The following SGCD variants were observed in gnomAD, a reference collection of about 807,000 sequenced individuals.
SGCD encodes the protein delta-sarcoglycan.
Under a neutral mutation model 36.6 loss-of-function variants are expected in SGCD, and 18 were observed. The observed-to-expected ratio is 0.49, with a 90% CI of 0.34 to 0.73. The LOEUF is 0.73. Ranked by LOEUF, SGCD falls within the 30% of genes least tolerant of loss-of-function variation. The probability of loss-of-function intolerance (pLI) is 0.01; values close to 1 mark genes in which losing one functional copy is unlikely to be tolerated. For missense variants in SGCD, 387 were observed against 346.7 expected, an observed-to-expected ratio of 1.12 and a Z score of -0.92; for synonymous variants, 133 against 130.6, an observed-to-expected ratio of 1.02 and a Z score of -0.12.
intron 3 of SGCD, among the ~76,000 whole-genome samples, chr5:156,313,929 T>C (rs1367977780): frequency 1.3e-5 from 2 of 152,060 alleles, no homozygotes. Flanking sequence ...TGACATCTAC[T>C]TTTTTTCAAT....
At chr5:156,396,105 C>A (rs948622445) in intron 3 of SGCD, among the ~76,000 whole-genome samples, 1 of 152,070 alleles carries the variant, frequency 6.6e-6, no homozygotes, top group Non-Finnish European at 1.5e-5. Context: ...TGAAGTAAGC[C>A]CCGGAGGAGT....
chr5:156,203,549 C>A (rs977305441), intron 3 of SGCD, among the ~76,000 whole-genome samples: 1 of 152,006 alleles, frequency 6.6e-6, no homozygotes, highest in Non-Finnish European at 1.5e-5. Flanking sequence ...TTCTTTCATC[C>A]CACATTTACT....
rs1424862754 is a variant in SGCD, at chr5:156,049,143, A to G, written c.-281-68735A>G. ...AAAGATCAGATGGTTGTAGATATGC[A>G]GCATTATTTCTGAGGGCTCTGTTCT... On this transcript the variant is annotated intron_variant, in intron 1 of 9. Coordinates refer to the SGCD transcript ENST00000517913. 8.2e-5 allele frequency among the ~76,000 whole-genome samples: 12 copies of G among 145,874 alleles called. 2 individuals are homozygous for G. The highest frequency in any genetic ancestry group is 1.4e-4 in the Admixed American group (2 of 14,578).
intron 3 of SGCD, among the ~76,000 whole-genome samples, chr5:156,229,275 T>TATATAC (rs1554085585): frequency 1.8e-5 from 1 of 55,088 alleles, no homozygotes. Context: ...TATATATACA[T>TATATAC]ACATATATAT....
chr5:156,531,310 G>A (rs1318632523), intron 4 of SGCD, among the ~76,000 whole-genome samples: 1 of 152,182 alleles, frequency 6.6e-6, no homozygotes, highest in Non-Finnish European at 1.5e-5. Context: ...CTATAAGAAA[G>A]TTAATTTCTA....
intron 3 of SGCD, among the ~76,000 whole-genome samples, chr5:156,183,517 C>T (rs1283287111): frequency 2.0e-5 from 3 of 152,124 alleles, no homozygotes; most frequent in South Asian, 2.1e-4. Context: ...AAGTGATACT[C>T]GTGCCTCAGC....
chr5:156,058,132 A>G (rs967709722), intron 1 of SGCD, among the ~76,000 whole-genome samples: 4 of 145,930 alleles, frequency 2.7e-5, no homozygotes, highest in African/African-American at 9.9e-5. Flanking sequence ...GACCACACCA[A>G]AACTTATGTT....
chr5:156,615,018 C>T (rs140944095), intron 6 of SGCD, among the ~76,000 whole-genome samples: 1 of 152,230 alleles, frequency 6.6e-6, no homozygotes, highest in Non-Finnish European at 1.5e-5. Flanking sequence ...AGGCTTATAA[C>T]TTGGCCCATT....
intron 1 of SGCD, among the ~76,000 whole-genome samples, chr5:155,972,971 C>A (rs549315127): frequency 6.6e-6 from 1 of 152,010 alleles, no homozygotes; most frequent in Non-Finnish European, 1.5e-5. Flanking sequence ...TGTCGTTAAT[C>A]TTTTTCCCCT....
chr5:156,600,954 G>T (rs926484194), intron 6 of SGCD, among the ~76,000 whole-genome samples: 1 of 151,878 alleles, frequency 6.6e-6, no homozygotes, highest in East Asian at 1.9e-4. Context: ...GTTGAACATT[G>T]GTATGTTTTT....
chr5:156,077,751 C>A (rs966437370), intron 1 of SGCD, among the ~76,000 whole-genome samples: 7 of 152,148 alleles, frequency 4.6e-5, no homozygotes, highest in African/African-American at 1.7e-4. Context: ...ACTTATCTGC[C>A]TGGAAATCCC....
chr5:156,200,388 A>G (rs72811723), intron 3 of SGCD, among the ~76,000 whole-genome samples: 3,186 of 152,106 alleles, frequency 0.021, 50 homozygotes, highest in Admixed American at 0.037. Context: ...AATTTTTGAC[A>G]AGTGTGCCAA....
At chr5:155,984,781 C>T (rs1032528225) in intron 1 of SGCD, among the ~76,000 whole-genome samples, 2 of 152,200 alleles carry the variant, frequency 1.3e-5, no homozygotes, top group African/African-American at 4.8e-5. Context: ...TCCACCAGAA[C>T]CTCTGATATA....
At chr5:155,808,006 A>G in the SGCD span, among the ~76,000 whole-genome samples, 1 of 152,228 alleles carries the variant, frequency 6.6e-6, no homozygotes, top group African/African-American at 2.4e-5. Flanking sequence ...AGTAACTGGA[A>G]TTGCTATATC....
At chr5:156,471,754 C>A (rs1214754537) in intron 3 of SGCD, among the ~76,000 whole-genome samples, 1 of 151,724 alleles carries the variant, frequency 6.6e-6, no homozygotes, top group East Asian at 1.9e-4. Flanking sequence ...TTTCTTAGGA[C>A]ATAAAAAAGC....
intron 3 of SGCD, among the ~76,000 whole-genome samples, chr5:156,137,231 C>G (rs1369582378): frequency 6.6e-6 from 1 of 152,224 alleles, no homozygotes; most frequent in Non-Finnish European, 1.5e-5. Context: ...CATCCCAAGC[C>G]TGGGCTTAGT....
At chr5:156,502,587 A>C (rs1285342243) in intron 3 of SGCD, among the ~76,000 whole-genome samples, 1 of 152,148 alleles carries the variant, frequency 6.6e-6, no homozygotes, top group Admixed American at 6.5e-5. Context: ...TTCCTGCCTC[A>C]GCCTCTCAAA....
intron 3 of SGCD, among the ~76,000 whole-genome samples, chr5:156,302,486 A>G (rs1243963402): frequency 2.0e-5 from 3 of 152,054 alleles, no homozygotes; most frequent in Admixed American, 2.0e-4. Context: ...GAAGTCACAT[A>G]TATCTCTCAC....
intron 1 of SGCD, among the ~76,000 whole-genome samples, chr5:156,012,918 T>C (rs1212772591): frequency 1.3e-5 from 2 of 150,686 alleles, no homozygotes; most frequent in African/African-American, 4.9e-5. Flanking sequence ...CGAAAGCTTC[T>C]TTTTAATGAT....
Sources: gnomAD v4.1 joint callset for allele counts (sites outside exome capture counted in the v4.1 genomes callset) on GRCh38, gnomAD v4.1.1 for gene constraint, MANE v1.5 for transcripts, NCBI Gene and HGNC (gene_info 2026-07-23, HGNC 2026-07-21) for gene names.